Variants in SCHIP1 observed in about 807,000 individuals in gnomAD.
The protein encoded by SCHIP1 is schwannomin-interacting protein 1.
Under a neutral mutation model 29.7 loss-of-function variants are expected in SCHIP1, and 8 were observed. The ratio of observed to expected loss-of-function variants is 0.27; its 90% CI spans 0.16 to 0.49. The LOEUF (loss-of-function observed/expected upper bound fraction) is 0.49. Ranked by LOEUF, SCHIP1 falls within the 20% of genes least tolerant of loss-of-function variation. SCHIP1 has a pLI of 0.99. For synonymous variants in SCHIP1, 76 were observed against 94.9 expected (o/e 0.80, Z 1.16); for missense variants, 193 against 294.6 (o/e 0.66, Z 2.52).
exon 7 of SCHIP1, chr3:159,896,872 G>GACTAACACTGATAT: frequency 1.5e-6 from 2 of 1,294,770 alleles, no homozygotes; most frequent in African/African-American, 1.5e-5. Context: ...AAATATCAGT[G>GACTAACACTGATAT]TTAGTCATTG....
At chr3:159,569,066 T>C in the SCHIP1 span, among the ~76,000 whole-genome samples, 2 of 152,144 alleles carry the variant, frequency 1.3e-5, no homozygotes, top group Non-Finnish European at 2.9e-5. Context: ...ACCTACCCAA[T>C]GTATTGTTTT....
chr3:159,810,842 C>A, the SCHIP1 span, among the ~76,000 whole-genome samples: 1 of 152,166 alleles, frequency 6.6e-6, no homozygotes, highest in Admixed American at 6.5e-5. Flanking sequence ...ATTGCAAGAT[C>A]ATATGGTAAA....
chr3:159,625,354 C>G, the SCHIP1 span, among the ~76,000 whole-genome samples: 6 of 152,152 alleles, frequency 3.9e-5, no homozygotes. Flanking sequence ...TGTTCAGCTA[C>G]TTAAGTCCTG....
intron 1 of SCHIP1, among the ~76,000 whole-genome samples, chr3:159,847,543 A>G (rs1712000267): frequency 6.6e-6 from 1 of 152,190 alleles, no homozygotes; most frequent in Non-Finnish European, 1.5e-5. Flanking sequence ...AAAGCCATTA[A>G]TGGGGAAAGA....
chr3:159,274,161 G>C, the SCHIP1 span: 1 of 985,272 alleles, frequency 1.0e-6, no homozygotes, highest in African/African-American at 1.7e-5. Context: ...TAATTGCATT[G>C]CAGTGGACTT....
At chr3:159,856,355 A>G (rs899114292) in intron 1 of SCHIP1, among the ~76,000 whole-genome samples, 3 of 152,120 alleles carry the variant, frequency 2.0e-5, no homozygotes, top group Admixed American at 1.3e-4. Context: ...TGCTGCCTGG[A>G]GTGTCCAGAT....
At chr3:159,843,839 A>G (rs1023292641) in intron 1 of SCHIP1, among the ~76,000 whole-genome samples, 1 of 151,248 alleles carries the variant, frequency 6.6e-6, no homozygotes, top group Non-Finnish European at 1.5e-5. Flanking sequence ...AAAAAAAAAA[A>G]AAAAAAAGCA....
chr3:159,514,351 G>T, the SCHIP1 span, among the ~76,000 whole-genome samples: 1 of 152,156 alleles, frequency 6.6e-6, no homozygotes, highest in Non-Finnish European at 1.5e-5. Context: ...CATTCAGCTG[G>T]TTCAAATAAA....
chr3:159,893,328 A>G (rs147121953), intron 6 of SCHIP1: 1 of 152,312 alleles, frequency 6.6e-6, no homozygotes, highest in African/African-American at 2.4e-5. Flanking sequence ...CTTTGAACAT[A>G]TTTGCCTGCA....
At chr3:159,851,470 C>T (rs931254548) in intron 1 of SCHIP1, among the ~76,000 whole-genome samples, 29 of 152,094 alleles carry the variant, frequency 1.9e-4, no homozygotes, top group African/African-American at 7.0e-4. Flanking sequence ...ATATCTACTC[C>T]AAAAGATTAT....
At chr3:159,398,289 C>T in the SCHIP1 span, among the ~76,000 whole-genome samples, 29 of 152,204 alleles carry the variant, frequency 1.9e-4, no homozygotes, top group Non-Finnish European at 3.7e-4. Context: ...CCGTCTTCTG[C>T]GTCGCTCATG....
the SCHIP1 span, among the ~76,000 whole-genome samples, chr3:159,579,306 G>A: frequency 6.6e-6 from 1 of 152,080 alleles, no homozygotes; most frequent in Non-Finnish European, 1.5e-5. Flanking sequence ...GGTAGATGAG[G>A]GGTAATGAAT....
At chr3:159,453,432 G>C in the SCHIP1 span, among the ~76,000 whole-genome samples, 9 of 152,308 alleles carry the variant, frequency 5.9e-5, no homozygotes, top group Non-Finnish European at 1.2e-4. Context: ...GTTGGTTTCT[G>C]TCCTGAACAA....
chr3:159,491,027 A>C, the SCHIP1 span, among the ~76,000 whole-genome samples: 1,100 of 152,332 alleles, frequency 7.2e-3, 13 homozygotes, highest in African/African-American at 0.025. Context: ...TAAAATTAGT[A>C]GTTTGGACAT....
At chr3:159,780,940 A>G in the SCHIP1 span, among the ~76,000 whole-genome samples, 8 of 152,328 alleles carry the variant, frequency 5.3e-5, no homozygotes, top group Admixed American at 4.6e-4. Flanking sequence ...GATGAGGCTG[A>G]GACTGTGCAT....
At chr3:159,372,042 T>A in the SCHIP1 span, among the ~76,000 whole-genome samples, 1 of 152,152 alleles carries the variant, frequency 6.6e-6, no homozygotes, top group Non-Finnish European at 1.5e-5. Flanking sequence ...TAATATGCAT[T>A]TGAATTTTAT....
At chr3:159,885,028 T>G (rs1577491522) in intron 2 of SCHIP1, among the ~76,000 whole-genome samples, 1 of 152,218 alleles carries the variant, frequency 6.6e-6, no homozygotes, top group East Asian at 1.9e-4. Context: ...GGTTCCCGTG[T>G]TAAATCAGAT....
chr3:159,647,593 T>A, the SCHIP1 span, among the ~76,000 whole-genome samples: 2 of 152,176 alleles, frequency 1.3e-5, no homozygotes, highest in Non-Finnish European at 2.9e-5. Context: ...AAGAAATGAC[T>A]CTGCTAATTG....
the SCHIP1 span, among the ~76,000 whole-genome samples, chr3:159,411,036 CTT>C: frequency 6.6e-6 from 1 of 151,970 alleles, no homozygotes; most frequent in African/African-American, 2.4e-5. Context: ...GAAATACAAA[CTT>C]TGCGTGTTCT....
Sources: gnomAD v4.1 joint callset for allele counts (sites outside exome capture counted in the v4.1 genomes callset) on GRCh38, gnomAD v4.1.1 for gene constraint, MANE v1.5 for transcripts, NCBI Gene and HGNC (gene_info 2026-07-23, HGNC 2026-07-21) for gene names.